SLC39A11: variants seen among roughly 807,000 people sequenced by gnomAD.
SLC39A11 encodes zinc transporter ZIP11.
In SLC39A11, 33 loss-of-function variants were observed where a neutral mutation model predicts 36.1. The ratio of observed to expected loss-of-function variants is 0.91; its 90% CI spans 0.69 to 1.22. The LOEUF is 1.22. Ranked by LOEUF, SLC39A11 falls within the 50% of genes most tolerant of loss-of-function variation. SLC39A11 has a pLI of 0.00. For synonymous variants in SLC39A11, 166 were observed against 170.3 expected (o/e 0.97, Z 0.20); for missense variants, 432 against 430.3 (o/e 1.00, Z -0.03).
chr17:73,060,485 T>G (rs1032083397), intron 3 of SLC39A11, among the ~76,000 whole-genome samples: 1 of 152,304 alleles, frequency 6.6e-6, no homozygotes, highest in South Asian at 2.1e-4. Context: ...TGACTATTAT[T>G]TCATAGTTAC....
At chr17:72,807,313 G>C (rs2077289492) in intron 6 of SLC39A11, among the ~76,000 whole-genome samples, 1 of 152,200 alleles carries the variant, frequency 6.6e-6, no homozygotes, top group African/African-American at 2.4e-5. Flanking sequence ...TCCAGTTGTG[G>C]TATAATACAA....
chr17:72,655,538 G>A lies in SLC39A11; in HGVS notation c.672-6270C>T, dbSNP rs529504961. Reference sequence around the variant, plus strand: ...TGTGCGAGGGCGTTGAGAGCCACTGGCCTAAGCAGGTGTCAGAGGAGGTGA... The same window carrying A: ...TGTGCGAGGGCGTTGAGAGCCACTGACCTAAGCAGGTGTCAGAGGAGGTGA... On this transcript the variant is annotated intron_variant, in intron 7 of 9. Coordinates refer to ENST00000255559, the MANE Select transcript of SLC39A11 (RefSeq NM_139177.4). Among the ~76,000 whole-genome samples, 4 of 152,312 alleles carry A rather than the reference G, an allele frequency of 2.6e-5. No homozygotes were observed. In the South Asian group the frequency reaches 6.2e-4, roughly 24 times the overall value.
At chr17:72,906,595 C>T (rs1242628995) in intron 5 of SLC39A11, among the ~76,000 whole-genome samples, 1 of 152,220 alleles carries the variant, frequency 6.6e-6, no homozygotes, top group Non-Finnish European at 1.5e-5. Flanking sequence ...GAGAGATATA[C>T]ACTGAATCCT....
At chr17:73,066,934 G>A (rs1253673289) in intron 3 of SLC39A11, among the ~76,000 whole-genome samples, 1 of 152,166 alleles carries the variant, frequency 6.6e-6, no homozygotes, top group Non-Finnish European at 1.5e-5. Context: ...AAGAGACTAA[G>A]GGACTTATTT....
chr17:73,057,601 G>T (rs1048114250), intron 3 of SLC39A11, among the ~76,000 whole-genome samples: 2 of 152,202 alleles, frequency 1.3e-5, no homozygotes, highest in Non-Finnish European at 2.9e-5. Context: ...ATTCAGCCCT[G>T]TTCATAATGG....
chr17:72,698,761 C>G (rs1014477721), intron 7 of SLC39A11, among the ~76,000 whole-genome samples: 2 of 152,166 alleles, frequency 1.3e-5, no homozygotes, highest in Non-Finnish European at 2.9e-5. Context: ...TACAAACATT[C>G]CTCCAGTGTG....
chr17:72,852,476 C>T (rs2079407002), intron 5 of SLC39A11, among the ~76,000 whole-genome samples: 1 of 152,152 alleles, frequency 6.6e-6, no homozygotes, highest in Non-Finnish European at 1.5e-5. Flanking sequence ...GAGAATTCAG[C>T]TGTCTCAATT....
chr17:72,667,052 G>A (rs918172266), intron 7 of SLC39A11, among the ~76,000 whole-genome samples: 3 of 152,182 alleles, frequency 2.0e-5, no homozygotes, highest in Non-Finnish European at 4.4e-5. Flanking sequence ...AGTTTAAGCG[G>A]CAATAGAGAG....
intron 3 of SLC39A11, chr17:73,072,476 C>T (rs1297540752): frequency 6.6e-6 from 1 of 152,188 alleles, no homozygotes; most frequent in Non-Finnish European, 1.5e-5. Context: ...TACTTCCCAT[C>T]ACGGCACAGA....
intron 7 of SLC39A11, among the ~76,000 whole-genome samples, chr17:72,670,271 G>T (rs1018145125): frequency 6.6e-6 from 1 of 150,438 alleles, no homozygotes; most frequent in Non-Finnish European, 1.5e-5. Flanking sequence ...CTCATGAGGC[G>T]GAGACAGGAT....
intron 7 of SLC39A11, among the ~76,000 whole-genome samples, chr17:72,657,102 C>G (rs984830323): frequency 2.6e-5 from 4 of 152,312 alleles, no homozygotes; most frequent in Non-Finnish European, 5.9e-5. Flanking sequence ...TGGCTCACGC[C>G]TGTAATCCCA....
chr17:72,880,826 C>T lies in SLC39A11; in HGVS notation c.431-31022G>A, dbSNP rs866104238. 8.0e-4 allele frequency among the ~76,000 whole-genome samples: 116 copies of T among 145,224 alleles called. No homozygotes were observed. In the Middle Eastern group the frequency reaches 0.026, roughly 32 times the overall value. ...CCTCCTGAGTAGCTGGGACTACAGG[C>T]GCCCGCCACCACGCCCGGCTAATCT... On this transcript the variant is annotated intron_variant, in intron 5 of 9. Transcript: ENST00000255559.
chr17:72,702,828 T>A (rs952187302), intron 7 of SLC39A11, among the ~76,000 whole-genome samples: 2 of 149,584 alleles, frequency 1.3e-5, no homozygotes, highest in African/African-American at 4.9e-5. Flanking sequence ...TTCCAGCTAC[T>A]CAGGAGGCTG....
At chr17:73,066,088 C>T (rs72850988) in intron 3 of SLC39A11, among the ~76,000 whole-genome samples, 4,991 of 152,268 alleles carry the variant, frequency 0.033, 121 homozygotes, top group Middle Eastern at 0.071. Flanking sequence ...TTGTAAGCTC[C>T]GCCTACTGAG....
chr17:72,819,236 G>A (rs534981542), intron 6 of SLC39A11, among the ~76,000 whole-genome samples: 3 of 151,240 alleles, frequency 2.0e-5, no homozygotes, highest in African/African-American at 7.3e-5. Context: ...GGGGAAATTT[G>A]AGCACAGAAT....
chr17:72,655,721 G>C (rs1017969126), intron 7 of SLC39A11, among the ~76,000 whole-genome samples: 6 of 152,222 alleles, frequency 3.9e-5, no homozygotes, highest in Non-Finnish European at 7.3e-5. Flanking sequence ...ATCTGATCTG[G>C]GGAGCTTTGG....
At chr17:72,990,940 A>G (rs567619554) in intron 4 of SLC39A11, among the ~76,000 whole-genome samples, 1 of 152,338 alleles carries the variant, frequency 6.6e-6, no homozygotes, top group South Asian at 2.1e-4. Flanking sequence ...ACTGTCAAAT[A>G]CAATTCGTTT....
chr17:72,949,405 C>T (rs907234401), intron 4 of SLC39A11, among the ~76,000 whole-genome samples: 1 of 151,824 alleles, frequency 6.6e-6, no homozygotes, highest in African/African-American at 2.4e-5. Flanking sequence ...AAGTGATCCA[C>T]CTGCCTCGGC....
intron 5 of SLC39A11, among the ~76,000 whole-genome samples, chr17:72,892,952 G>T (rs185225130): frequency 1.5e-4 from 23 of 152,218 alleles, no homozygotes; most frequent in Admixed American, 1.4e-3. Flanking sequence ...TCTCCAAGAG[G>T]CAATTATGTT....
Sources: allele counts gnomAD v4.1 joint callset (sites outside exome capture counted in the v4.1 genomes callset), GRCh38; gene constraint gnomAD v4.1.1; transcripts MANE v1.5; gene names NCBI Gene and HGNC (gene_info 2026-07-23, HGNC 2026-07-21).